Variants in ASTN2 observed in about 807,000 individuals in gnomAD.
The protein encoded by ASTN2 is astrotactin 2, also known as astrotactin-2.
ASTN2 carries 54 observed loss-of-function variants against 139.8 expected under a neutral mutation model. The ratio of observed to expected loss-of-function variants is 0.39; its 90% CI spans 0.31 to 0.48. ASTN2 has a LOEUF of 0.48. ASTN2 is among the 20% of genes least tolerant of loss of function. ASTN2 has a pLI of 0.95. For synonymous variants in ASTN2, 756 were observed against 719.5 expected (o/e 1.05, Z -0.81); for missense variants, 1,565 against 1,725.1 (o/e 0.91, Z 1.64).
chr9:117,033,881 T>C (rs1284548749), intron 6 of ASTN2, among the ~76,000 whole-genome samples: 1 of 152,192 alleles, frequency 6.6e-6, no homozygotes, highest in Non-Finnish European at 1.5e-5. Context: ...GAACCCTGTG[T>C]AAAGTGCTTT....
chr9:116,718,974 A>ATATATATATATATATAT (rs1564230166), intron 16 of ASTN2, among the ~76,000 whole-genome samples: 2 of 88,106 alleles, frequency 2.3e-5, no homozygotes, highest in African/African-American at 1.2e-4. Context: ...CTGTATCTGT[A>ATATATATATATATATAT]CATATATATA....
chr9:116,758,466 C>T (rs1690882957), intron 13 of ASTN2, among the ~76,000 whole-genome samples: 1 of 152,082 alleles, frequency 6.6e-6, no homozygotes. Context: ...TTGGAGGACA[C>T]CCAGGCTAAG....
chr9:116,838,589 ATTTTT>A (rs34871450), intron 11 of ASTN2, among the ~76,000 whole-genome samples: 1 of 130,142 alleles, frequency 7.7e-6, no homozygotes, highest in Non-Finnish European at 1.6e-5. Context: ...ATGCCCAGCA[ATTTTT>A]TTTTTTTTTT....
At chr9:117,145,222 C>T (rs983514158) in intron 3 of ASTN2, among the ~76,000 whole-genome samples, 4 of 152,224 alleles carry the variant, frequency 2.6e-5, no homozygotes, top group South Asian at 2.1e-4. Flanking sequence ...GAGAGCTGGA[C>T]GCTCTGGAGA....
chr9:117,267,080 T>C (rs140397085), intron 2 of ASTN2, among the ~76,000 whole-genome samples: 4 of 152,234 alleles, frequency 2.6e-5, no homozygotes, highest in Non-Finnish European at 5.9e-5. Context: ...TGTACCAGGA[T>C]GGAATGAGAA....
intron 6 of ASTN2, among the ~76,000 whole-genome samples, chr9:117,035,485 C>T (rs1838360134): frequency 6.6e-6 from 1 of 152,124 alleles, no homozygotes; most frequent in African/African-American, 2.4e-5. Context: ...ATGTAATACC[C>T]TCATATCTCC....
At chr9:117,108,927 T>C (rs116456346) in intron 4 of ASTN2, among the ~76,000 whole-genome samples, 3,401 of 152,266 alleles carry the variant, frequency 0.022, 114 homozygotes, top group African/African-American at 0.078. Context: ...ACCCACCTCA[T>C]TGTACTTGAG....
intron 20 of ASTN2, among the ~76,000 whole-genome samples, chr9:116,471,634 G>C (rs1276638248): frequency 1.3e-5 from 2 of 152,146 alleles, no homozygotes; most frequent in African/African-American, 4.8e-5. Context: ...TCATATGAAT[G>C]CTTACTGCAA....
intron 19 of ASTN2, among the ~76,000 whole-genome samples, chr9:116,537,854 CAGG>C (rs1564353504): frequency 1.3e-5 from 2 of 152,132 alleles, no homozygotes. Flanking sequence ...GCCATGAAAG[CAGG>C]GATTAGGAGA....
chr9:117,040,646 A>G (rs1373996907), intron 5 of ASTN2, among the ~76,000 whole-genome samples: 1 of 151,992 alleles, frequency 6.6e-6, no homozygotes, highest in Non-Finnish European at 1.5e-5. Context: ...TTTAGTAGAG[A>G]CGGGTTTTCA....
At chr9:116,784,629 A>C (rs563282167) in intron 13 of ASTN2, among the ~76,000 whole-genome samples, 4 of 152,060 alleles carry the variant, frequency 2.6e-5, no homozygotes, top group Non-Finnish European at 5.9e-5. Context: ...TGACCAACCA[A>C]GTGTTAAAAG....
intron 6 of ASTN2, among the ~76,000 whole-genome samples, chr9:117,029,052 T>C (rs190326325): frequency 3.9e-4 from 59 of 152,308 alleles, no homozygotes; most frequent in African/African-American, 1.4e-3. Context: ...ATTCTGTGGA[T>C]GTTGATTCAA....
intron 7 of ASTN2, among the ~76,000 whole-genome samples, chr9:116,984,537 T>G (rs936519210): frequency 6.6e-6 from 1 of 152,186 alleles, no homozygotes; most frequent in Non-Finnish European, 1.5e-5. Context: ...TTTCAGCAGG[T>G]CTGCCTTGGT....
intron 11 of ASTN2, among the ~76,000 whole-genome samples, chr9:116,850,987 G>C (rs1164811673): frequency 6.6e-6 from 1 of 152,166 alleles, no homozygotes; most frequent in African/African-American, 2.4e-5. Flanking sequence ...CTCTTTGCTA[G>C]TTAGGACACA....
At position 116,827,317 on chromosome 9, in the gene ASTN2, A is replaced by ACC. The variant is rs1831665217; in HGVS notation, c.2041-6535_2041-6534insGG. Among the ~76,000 whole-genome samples the ACC allele has an allele frequency of 4.8e-5, 7 of 146,318 alleles. No homozygotes were observed. In the South Asian group the frequency reaches 6.4e-4, roughly 13 times the overall value. Reference sequence around the variant, plus strand: ...AGAGCAAAACTCCATCCCCCCCAAAAAAAAAAAAAAAAAAAAGAACTAGAA... The same window carrying ACC: ...AGAGCAAAACTCCATCCCCCCCAAAACCAAAAAAAAAAAAAAAAGAACTAGAA... On this transcript the variant is annotated intron_variant, in intron 11 of 22. Coordinates refer to ENST00000313400, the MANE Select transcript of ASTN2 (RefSeq NM_001365068.1).
intron 10 of ASTN2, among the ~76,000 whole-genome samples, chr9:116,974,112 G>A (rs1404346762): frequency 6.6e-6 from 1 of 152,166 alleles, no homozygotes; most frequent in African/African-American, 2.4e-5. Flanking sequence ...CCAATAAGCT[G>A]TGTACAAATC....
chr9:117,034,721 C>A (rs375692573), intron 6 of ASTN2, among the ~76,000 whole-genome samples: 6 of 152,044 alleles, frequency 3.9e-5, no homozygotes, highest in African/African-American at 1.4e-4. Context: ...TAAATGCAGA[C>A]GATTTGTAGT....
intron 1 of ASTN2, among the ~76,000 whole-genome samples, chr9:117,313,920 CT>C (rs1408550903): frequency 6.6e-6 from 1 of 152,170 alleles, no homozygotes; most frequent in Non-Finnish European, 1.5e-5. Flanking sequence ...TCCCTTTGTA[CT>C]TTGACACTTA....
At chr9:117,213,117 T>C (rs945711895) in intron 3 of ASTN2, among the ~76,000 whole-genome samples, 6 of 152,094 alleles carry the variant, frequency 3.9e-5, no homozygotes, top group Non-Finnish European at 8.8e-5. Flanking sequence ...AAGAATGAAA[T>C]CCTTTCATTT....
Sources: allele counts gnomAD v4.1 joint callset (sites outside exome capture counted in the v4.1 genomes callset), GRCh38; gene constraint gnomAD v4.1.1; transcripts MANE v1.5; gene names NCBI Gene and HGNC (gene_info 2026-07-23, HGNC 2026-07-21).